Variants in UQCC1 observed in about 807,000 individuals in gnomAD.
The protein encoded by UQCC1 is bFGF-repressed Zic-binding protein.
Under a neutral mutation model 48.0 loss-of-function variants are expected in UQCC1, and 38 were observed. The observed-to-expected ratio is 0.79, with a 90% CI of 0.61 to 1.04. UQCC1 has a LOEUF of 1.04. UQCC1 is among the 50% of genes least tolerant of loss of function. The pLI is 0.00. For synonymous variants in UQCC1, 111 were observed against 129.2 expected, an observed-to-expected ratio of 0.86 and a Z score of 0.95; for missense variants, 368 against 381.8, an observed-to-expected ratio of 0.96 and a Z score of 0.30.
chr20:35,366,169 T>C (rs962410641), intron 6 of UQCC1, among the ~76,000 whole-genome samples: 9 of 152,238 alleles, frequency 5.9e-5, no homozygotes, highest in South Asian at 2.1e-4. Flanking sequence ...TAATTTGTTA[T>C]AGGTTTCTGA....
intron 1 of UQCC1, among the ~76,000 whole-genome samples, chr20:35,400,702 C>T (rs575689648): frequency 6.6e-5 from 10 of 151,796 alleles, no homozygotes; most frequent in Admixed American, 4.6e-4. Flanking sequence ...TCACCATGTT[C>T]GCCAGGATGG....
chr20:35,337,274 C>A (rs1371786600), intron 7 of UQCC1, among the ~76,000 whole-genome samples: 2 of 151,988 alleles, frequency 1.3e-5, no homozygotes, highest in Non-Finnish European at 2.9e-5. Flanking sequence ...CTGCAACCTC[C>A]ACCTCCCAGG....
intron 6 of UQCC1, among the ~76,000 whole-genome samples, chr20:35,362,374 C>G (rs1367435726): frequency 6.6e-6 from 1 of 152,044 alleles, no homozygotes; most frequent in Non-Finnish European, 1.5e-5. Flanking sequence ...ATTTTATTTT[C>G]CGAGATGAAG....
intron 1 of UQCC1, among the ~76,000 whole-genome samples, chr20:35,399,206 A>G (rs912215938): frequency 1.3e-5 from 2 of 152,226 alleles, no homozygotes; most frequent in Non-Finnish European, 2.9e-5. Context: ...GTTATGAACA[A>G]CTGTTACCGA....
At chr20:35,399,835 G>C (rs970457408) in intron 1 of UQCC1, among the ~76,000 whole-genome samples, 39 of 134,976 alleles carry the variant, frequency 2.9e-4, no homozygotes, top group Non-Finnish European at 5.3e-4. Flanking sequence ...TCCAGCCTGC[G>C]TGACAGAGCA....
intron 4 of UQCC1, among the ~76,000 whole-genome samples, chr20:35,378,682 A>C (rs975631488): frequency 5.3e-5 from 8 of 152,188 alleles, no homozygotes; most frequent in Admixed American, 3.3e-4. Flanking sequence ...TGAACCTTCT[A>C]TTGTCTACTG....
chr20:35,326,798 A>G (rs1407233171), intron 7 of UQCC1, among the ~76,000 whole-genome samples: 1 of 152,194 alleles, frequency 6.6e-6, no homozygotes, highest in East Asian at 1.9e-4. Context: ...TTTCTATTAA[A>G]TTTAGGCAGA....
chr20:35,365,966 G>C (rs2061661914), intron 6 of UQCC1, among the ~76,000 whole-genome samples: 2 of 152,128 alleles, frequency 1.3e-5, no homozygotes, highest in South Asian at 4.1e-4. Flanking sequence ...TGACTTCAAC[G>C]ACTCTCCTAT....
chr20:35,328,118 T>C (rs1375096925), intron 7 of UQCC1, among the ~76,000 whole-genome samples: 1 of 152,094 alleles, frequency 6.6e-6, no homozygotes, highest in African/African-American at 2.4e-5. Flanking sequence ...TAAAATGTTC[T>C]TAGAAAGGTA....
In UQCC1 at chr20:35,303,745, C is replaced by G; in HGVS notation, c.*190G>C. The G allele has an allele frequency of 1.3e-6, 1 of 771,874 alleles. No individual in the cohort carries two copies. The highest frequency in any genetic ancestry group is 2.6e-5 in the East Asian group (1 of 37,820). The allele number at this position is 771,874 out of a possible 1,614,324, so 47.8% of individuals were successfully genotyped here. A position where few individuals can be genotyped will look rare whatever the true frequency, so the allele number is the denominator to read the frequency against. On this transcript the variant is annotated 3_prime_UTR_variant, in exon 10 of 10. Transcript: ENST00000374385. ...CCGGGAGAGCTAGGGGTTCTCCCAG[C>G]CCTGTACCCCAGCAGATCAGACTCC...
At chr20:35,400,311 A>G (rs62210588) in intron 1 of UQCC1, among the ~76,000 whole-genome samples, 6,037 of 152,138 alleles carry the variant, frequency 0.04, 201 homozygotes, top group Non-Finnish European at 0.07. Flanking sequence ...CTCTTAAGGT[A>G]CTAATATATT....
chr20:35,366,761 A>G, intron 5 of UQCC1, 147 bp from the exon 6 acceptor site: 1 of 617,222 alleles, frequency 1.6e-6, no homozygotes, highest in East Asian at 2.9e-5. Context: ...GCGAGACCAC[A>G]GGATAAAAGA....
At chr20:35,356,522 A>G (rs1017181659) in intron 6 of UQCC1, among the ~76,000 whole-genome samples, 1 of 152,256 alleles carries the variant, frequency 6.6e-6, no homozygotes, top group Non-Finnish European at 1.5e-5. Context: ...GCCAGGCACT[A>G]TGCCAAGTGA....
chr20:35,384,124 T>C lies in UQCC1; in HGVS notation c.139A>G (p.Met47Val). ...CCACCACATGCTCGGGACTGGCTCA[T>C]CTGGGGCCACTGAAGAATAAAAACA... is the stretch of plus-strand genomic sequence containing the variant. Reference protein sequence around the residue: ...ALSRTSQWPQMSQSRACGGSE... With the variant: ...ALSRTSQWPQVSQSRACGGSE... Residue 47 changes from methionine (M) to valine (V), a missense_variant, in exon 3 of 10, where the codon ATG becomes GTG. Met to Val is a conservative substitution (Grantham distance 21). Transcript: ENST00000374385. 1 of 1,612,230 alleles carries C rather than the reference T, an allele frequency of 6.2e-7. No individual in the cohort carries two copies. Among genetic ancestry groups the C allele is most frequent in the Non-Finnish European group, 8.5e-7 (1 of 1,178,494 alleles).
At chr20:35,363,319 TCCACGTGGGGATGCTAGACAGCGCAGA>T (rs1258771738) in intron 6 of UQCC1, among the ~76,000 whole-genome samples, 3 of 152,136 alleles carry the variant, frequency 2.0e-5, no homozygotes, top group Admixed American at 1.3e-4. Flanking sequence ...TTTTATCAAG[TCCACGTGGGGATGCTAGACAGCGCAGA>T]CAGTGGCCTC....
chr20:35,315,759 G>A (rs1025609130), intron 7 of UQCC1, among the ~76,000 whole-genome samples: 1 of 152,120 alleles, frequency 6.6e-6, no homozygotes, highest in African/African-American at 2.4e-5. Flanking sequence ...GCATAGTGGT[G>A]CATGACTGTA....
At chr20:35,332,671 G>C (rs984866627) in intron 7 of UQCC1, among the ~76,000 whole-genome samples, 1 of 152,246 alleles carries the variant, frequency 6.6e-6, no homozygotes, top group Non-Finnish European at 1.5e-5. Flanking sequence ...CACCAGACAG[G>C]TTACAAAGAA....
chr20:35,334,444 T>C (rs1357425380), intron 7 of UQCC1, among the ~76,000 whole-genome samples: 1 of 152,194 alleles, frequency 6.6e-6, no homozygotes, highest in Non-Finnish European at 1.5e-5. Context: ...TCATACCAAC[T>C]CGGTGCCTTT....
intron 6 of UQCC1, among the ~76,000 whole-genome samples, chr20:35,354,900 A>G (rs1568677476): frequency 6.6e-6 from 1 of 152,236 alleles, no homozygotes; most frequent in Non-Finnish European, 1.5e-5. Flanking sequence ...TTCCTACAGT[A>G]TATTTCTGGT....
Sources: gnomAD v4.1 joint callset for allele counts (sites outside exome capture counted in the v4.1 genomes callset) on GRCh38, gnomAD v4.1.1 for gene constraint, MANE v1.5 for transcripts, NCBI Gene and HGNC (gene_info 2026-07-23, HGNC 2026-07-21) for gene names.